TRAM2: variants seen among roughly 807,000 people sequenced by gnomAD.
TRAM2 encodes translocating chain-associated membrane protein 2.
TRAM2 carries 12 observed loss-of-function variants against 51.0 expected under a neutral mutation model. That is an observed-to-expected ratio of 0.24 (90% CI 0.15 to 0.38). The LOEUF (loss-of-function observed/expected upper bound fraction) is 0.38, where lower values mean the gene tolerates loss of function less well. TRAM2 is among the 10% of genes least tolerant of loss of function. The pLI is 1.00. For missense variants in TRAM2, 361 were observed against 462.0 expected (o/e 0.78, Z 2.00); for synonymous variants, 175 against 179.4 (o/e 0.98, Z 0.20).
At chr6:52,542,587 C>T (rs931662551) in intron 1 of TRAM2, among the ~76,000 whole-genome samples, 1 of 152,172 alleles carries the variant, frequency 6.6e-6, no homozygotes, top group African/African-American at 2.4e-5. Flanking sequence ...ACCTGAAAAA[C>T]TGCCTTGATA....
rs192702633 is a variant in TRAM2, at chr6:52,521,410, A to G, written c.185-4673T>C. Among the ~76,000 whole-genome samples, 1,370 of 151,224 alleles carry G rather than the reference A, an allele frequency of 9.1e-3. 22 individuals are homozygous for G. The highest frequency in any genetic ancestry group is 0.031 in the African/African-American group (1,283 of 41,236). ...CTAATTCTTATAAAAATCCTCACACAAGGCTGGGCGCGGTGGCTCACACCT... is the reference window on the plus strand; with the variant it reads ...CTAATTCTTATAAAAATCCTCACACGAGGCTGGGCGCGGTGGCTCACACCT... On this transcript the variant is annotated intron_variant, in intron 2 of 10. Coordinates refer to ENST00000182527, the MANE Select transcript of TRAM2 (RefSeq NM_012288.4).
At chr6:52,560,488 T>C (rs1423674710) in intron 1 of TRAM2, among the ~76,000 whole-genome samples, 4 of 152,382 alleles carry the variant, frequency 2.6e-5, no homozygotes, top group Middle Eastern at 3.4e-3. Context: ...AAGATTGATC[T>C]CATCCTCTTT....
rs1581864752 is a variant in TRAM2 at position 52,502,074 on chromosome 6, C to T, written c.*1123G>A. On this transcript the variant is annotated 3_prime_UTR_variant, in exon 11 of 11. Coordinates refer to ENST00000182527, the MANE Select transcript of TRAM2 (RefSeq NM_012288.4). ...CAAAAAACGACAATTCCAAAGAACACTCAACAAGGGCGGCCAGATGAACAG... is the reference window on the plus strand; with the variant it reads ...CAAAAAACGACAATTCCAAAGAACATTCAACAAGGGCGGCCAGATGAACAG... 6.6e-6 allele frequency: 1 copy of T among 152,420 alleles called. No individual in the cohort carries two copies. The highest frequency in any genetic ancestry group is 1.9e-4 in the East Asian group (1 of 5,184). 9.4% of individuals were successfully genotyped at this position (152,420 alleles called of 1,614,324 possible). A position where few individuals can be genotyped will look rare whatever the true frequency, so the allele number is the denominator to read the frequency against.
chr6:52,506,306 C>CT (rs141794483), intron 7 of TRAM2, among the ~76,000 whole-genome samples, 170 bp from the exon 8 acceptor site: 1 of 152,300 alleles, frequency 6.6e-6, no homozygotes, highest in African/African-American at 2.4e-5. Context: ...GCTCTCACAC[C>CT]TTTAAGACAT....
At chr6:52,566,644 T>C (rs942242337) in intron 1 of TRAM2, among the ~76,000 whole-genome samples, 1 of 152,134 alleles carries the variant, frequency 6.6e-6, no homozygotes, top group Non-Finnish European at 1.5e-5. Context: ...CCTCCACCCT[T>C]GTCCCCACTG....
rs1432265922 is a variant in TRAM2 at position 52,502,715 on chromosome 6, A to C, written c.*482T>G. The C allele has an allele frequency of 5.9e-6, 1 of 169,096 alleles. No homozygotes were observed. The highest frequency in any genetic ancestry group is 1.7e-4 in the East Asian group (1 of 5,742). The allele number at this position is 169,096 out of a possible 1,614,324, so 10.5% of individuals were successfully genotyped here. The stretch of plus-strand genomic sequence containing the variant: ...CTTCTTGCCCATCCACATGAGGACC[A>C]CCAAGGGCCTACCAGCCCCAGGCTT... On this transcript the variant is annotated 3_prime_UTR_variant, in exon 11 of 11. Coordinates refer to ENST00000182527, the MANE Select transcript of TRAM2 (RefSeq NM_012288.4).
intron 4 of TRAM2, among the ~76,000 whole-genome samples, chr6:52,514,600 T>C (rs1338075239): frequency 6.6e-6 from 1 of 152,238 alleles, no homozygotes; most frequent in African/African-American, 2.4e-5. Context: ...TTTCACACCC[T>C]GGAAGGCGTG....
At chr6:52,553,833 T>A (rs1767353334) in intron 1 of TRAM2, among the ~76,000 whole-genome samples, 2 of 152,240 alleles carry the variant, frequency 1.3e-5, no homozygotes, top group African/African-American at 2.4e-5. Context: ...GCACAAGGCC[T>A]AGCACATCAC....
At chr6:52,515,602 G>T (rs1378509752) in intron 4 of TRAM2, among the ~76,000 whole-genome samples, 2 of 152,198 alleles carry the variant, frequency 1.3e-5, no homozygotes, top group South Asian at 2.1e-4. Flanking sequence ...CAGGCATACT[G>T]CAAAATTTGA....
Position 52,576,929 on chromosome 6 carries a change from C to T in TRAM2, c.-14G>A. ...GCGGAAAGCCATGGCAGCGGGCGCG[C>T]AGCGGCCGGCGGGGCCCGCACCCTG... On this transcript the variant is annotated 5_prime_UTR_variant, in exon 1 of 11. Transcript: ENST00000182527. 6.2e-7 allele frequency: 1 copy of T among 1,604,392 alleles called. No homozygotes were observed. Among genetic ancestry groups the T allele is most frequent in the Non-Finnish European group, 8.5e-7 (1 of 1,176,072 alleles).
intron 1 of TRAM2, 85 bp from the exon 2 acceptor site, chr6:52,535,931 A>G: frequency 8.9e-7 from 1 of 1,124,100 alleles, no homozygotes; most frequent in Non-Finnish European, 1.3e-6. Context: ...CCCCTTTTAC[A>G]TCTTAGACCC....
At chr6:52,559,271 C>T (rs545147218) in intron 1 of TRAM2, among the ~76,000 whole-genome samples, 3 of 152,282 alleles carry the variant, frequency 2.0e-5, no homozygotes, top group Non-Finnish European at 2.9e-5. Flanking sequence ...ACAGACGCGA[C>T]GGATTACTTG....
At chr6:52,557,930 G>A (rs116426156) in intron 1 of TRAM2, among the ~76,000 whole-genome samples, 1,588 of 152,266 alleles carry the variant, frequency 0.01, 26 homozygotes, top group African/African-American at 0.036. Context: ...GCACTTAGGA[G>A]TAATCACAGA....
At chr6:52,568,556 G>A (rs1581704078) in intron 1 of TRAM2, among the ~76,000 whole-genome samples, 1 of 152,308 alleles carries the variant, frequency 6.6e-6, no homozygotes. Flanking sequence ...TGGAGGGAAA[G>A]CCTGTTCATC....
Position 52,571,294 on chromosome 6 carries a change from G to C in TRAM2, c.120+5502C>G, listed in dbSNP as rs147807476. ...TAGGAATGAGAGGTACATCAGCTATGCCACAGAGTGATTTCTGGGGCCCCT... is the reference window on the plus strand; with the variant it reads ...TAGGAATGAGAGGTACATCAGCTATCCCACAGAGTGATTTCTGGGGCCCCT... On this transcript the variant is annotated intron_variant, in intron 1 of 10. Transcript: ENST00000182527. Among the ~76,000 whole-genome samples, 99 of 152,340 alleles carry C rather than the reference G, an allele frequency of 6.5e-4. No individual in the cohort carries two copies. The East Asian group carries it at 0.017, about 27-fold the overall frequency.
At position 52,500,156 on chromosome 6, in the gene TRAM2, T is replaced by C. The variant is rs890979306; in HGVS notation, c.*3041A>G. On this transcript the variant is annotated 3_prime_UTR_variant, in exon 11 of 11. Coordinates refer to ENST00000182527, the MANE Select transcript of TRAM2 (RefSeq NM_012288.4). Reference sequence around the variant, plus strand: ...TGCTGGGGTAGGTTTACGTCTTTTCTCCTGCTCTTGGTGCATGGTGCTGAG... The same window carrying C: ...TGCTGGGGTAGGTTTACGTCTTTTCCCCTGCTCTTGGTGCATGGTGCTGAG... 1 of 152,252 alleles carries C rather than the reference T, an allele frequency of 6.6e-6. No individual in the cohort carries two copies. Among genetic ancestry groups the C allele is most frequent in the Non-Finnish European group, 1.5e-5 (1 of 68,096 alleles). 9.4% of individuals were successfully genotyped at this position (152,252 alleles called of 1,614,324 possible). A position where few individuals can be genotyped will look rare whatever the true frequency, so the allele number is the denominator to read the frequency against.
chr6:52,523,040 G>T lies in TRAM2; in HGVS notation c.185-6303C>A. Reference sequence around the variant, plus strand: ...TGAGAACTCATGTGAGCCAGGGCAGGCATCTGCCCTAGAAGCTTCTTCTTT... The same window carrying T: ...TGAGAACTCATGTGAGCCAGGGCAGTCATCTGCCCTAGAAGCTTCTTCTTT... On this transcript the variant is annotated intron_variant, in intron 2 of 10. Coordinates refer to ENST00000182527, the MANE Select transcript of TRAM2 (RefSeq NM_012288.4). 8.0e-6 allele frequency: 5 copies of T among 622,734 alleles called. No individual in the cohort carries two copies. The South Asian group carries it at 9.5e-5, about 12-fold the overall frequency. The allele number at this position is 622,734 out of a possible 1,614,324, so 38.6% of individuals were successfully genotyped here. A position where few individuals can be genotyped will look rare whatever the true frequency, so the allele number is the denominator to read the frequency against.
In TRAM2 at chr6:52,503,061, C is replaced by G. The variant is rs1766265984; in HGVS notation, c.*136G>C. On this transcript the variant is annotated 3_prime_UTR_variant, in exon 11 of 11. Transcript: ENST00000182527. ...AAGAAGGAAAGCGAAACGCCCCCTC[C>G]CCCCATTGCAAGACAGGTTTCGGCT... 1.4e-6 allele frequency: 1 copy of G among 737,496 alleles called. No homozygotes were observed. The highest frequency in any genetic ancestry group is 2.4e-6 in the Non-Finnish European group (1 of 420,646). 45.7% of individuals were successfully genotyped at this position (737,496 alleles called of 1,614,324 possible). A position where few individuals can be genotyped will look rare whatever the true frequency, so the allele number is the denominator to read the frequency against.
At position 52,501,740 on chromosome 6, in the gene TRAM2, C is replaced by T. The variant is rs1766230138; in HGVS notation, c.*1457G>A. ...TGTATTTTTAGTAGAGATGGGGTTT[C>T]ACCATGTTGGCCAGGCTGGTCTTGA... On this transcript the variant is annotated 3_prime_UTR_variant, in exon 11 of 11. Transcript: ENST00000182527. 6.6e-6 allele frequency: 1 copy of T among 152,218 alleles called. No individual in the cohort carries two copies. Among genetic ancestry groups the T allele is most frequent in the South Asian group, 2.1e-4 (1 of 4,824 alleles). The allele number at this position is 152,218 out of a possible 1,614,324, so 9.4% of individuals were successfully genotyped here.
Sources: allele counts gnomAD v4.1 joint callset (sites outside exome capture counted in the v4.1 genomes callset), GRCh38; gene constraint gnomAD v4.1.1; transcripts MANE v1.5; gene names NCBI Gene and HGNC (gene_info 2026-07-23, HGNC 2026-07-21).